The following JADE2 variants were observed in gnomAD, a reference collection of about 807,000 sequenced individuals.
JADE2 encodes E3 ubiquitin-protein ligase Jade-2.
In JADE2, 13 loss-of-function variants were observed where a neutral mutation model predicts 85.7. The observed-to-expected ratio is 0.15, with a 90% confidence interval of 0.10 to 0.24. The LOEUF (loss-of-function observed/expected upper bound fraction) is 0.24, where lower values mean the gene tolerates loss of function less well. JADE2 is among the 10% of genes least tolerant of loss of function. The pLI is 1.00. For missense variants in JADE2, 846 were observed against 1,115.9 expected (o/e 0.76, Z 3.45); for synonymous variants, 440 against 456.1 (o/e 0.96, Z 0.45).
At position 134,566,075 on chromosome 5, in the gene JADE2, G is replaced by C; in HGVS notation, c.970-41G>C. 6.5e-7 allele frequency: 1 copy of C among 1,547,660 alleles called. No individual in the cohort carries two copies. The highest frequency in any genetic ancestry group is 1.2e-5 in the South Asian group (1 of 84,664). On this transcript the variant is annotated intron_variant, in intron 8 of 11. Transcript: ENST00000681547. The surrounding 1 kb of genome is among the most constrained non-coding windows in gnomAD (Gnocchi z 6.7). ...CCCTCTGTCTTCTCCCCTCCCACCA[G>C]GCTCCCTCCATGTCTGATCCTGCCC...
intron 3 of JADE2, among the ~76,000 whole-genome samples, chr5:134,545,568 G>C (rs146945230): frequency 6.6e-6 from 1 of 151,966 alleles, no homozygotes; most frequent in African/African-American, 2.4e-5. Context: ...ATCAGGTTCC[G>C]GCCCAGAAAA....
intron 1 of JADE2, among the ~76,000 whole-genome samples, chr5:134,531,319 G>T (rs1439577623): frequency 6.6e-6 from 1 of 152,216 alleles, no homozygotes; most frequent in East Asian, 1.9e-4. Flanking sequence ...CCAGGTGGCA[G>T]GGGCCAGATT....
chr5:134,534,367 C>T (rs1761451157), intron 1 of JADE2, among the ~76,000 whole-genome samples: 1 of 152,090 alleles, frequency 6.6e-6, no homozygotes, highest in Admixed American at 6.5e-5. Context: ...CTTGCACCAC[C>T]AGTGTCCCTT....
intron 3 of JADE2, among the ~76,000 whole-genome samples, chr5:134,542,435 CTTTTTTT>C (rs10568722): frequency 2.1e-5 from 2 of 93,458 alleles, no homozygotes. Context: ...GTACCTATAC[CTTTTTTT>C]TTTTTTTTTT....
chr5:134,529,875 C>G (rs1165795287), intron 1 of JADE2, among the ~76,000 whole-genome samples: 3 of 152,220 alleles, frequency 2.0e-5, no homozygotes, highest in Non-Finnish European at 4.4e-5. Flanking sequence ...TCCCACCATC[C>G]CCTTGGTACG....
At chr5:134,531,712 A>C (rs1292565886) in intron 1 of JADE2, among the ~76,000 whole-genome samples, 1 of 151,746 alleles carries the variant, frequency 6.6e-6, no homozygotes, top group Non-Finnish European at 1.5e-5. Context: ...CCTCCAGAGT[A>C]GCTGAGATTA....
At chr5:134,539,592 G>A (rs900227600) in intron 3 of JADE2, among the ~76,000 whole-genome samples, 1 of 152,242 alleles carries the variant, frequency 6.6e-6, no homozygotes, top group African/African-American at 2.4e-5. Flanking sequence ...AACTAGCCCA[G>A]AATTTCTCAG....
At chr5:134,564,446 G>T (rs369875016) in intron 7 of JADE2, 48 bp from the exon 8 acceptor site, 3 of 1,308,620 alleles carry the variant, frequency 2.3e-6, no homozygotes, top group Non-Finnish European at 3.1e-6. Flanking sequence ...ATCCCTGGAG[G>T]CAGGCTGGGG....
intron 4 of JADE2, among the ~76,000 whole-genome samples, chr5:134,552,987 C>CTTTTTTTT (rs34182692): frequency 1.6e-5 from 1 of 62,394 alleles, no homozygotes; most frequent in Non-Finnish European, 2.7e-5. Context: ...TGGGCCTGGC[C>CTTTTTTTT]TTTTTTTTTT....
chr5:134,533,004 A>G (rs1347534964), intron 1 of JADE2, among the ~76,000 whole-genome samples: 1 of 152,244 alleles, frequency 6.6e-6, no homozygotes, highest in Non-Finnish European at 1.5e-5. Context: ...GCCCTGACCC[A>G]GAATAATCCC....
At chr5:134,577,139 C>A in intron 11 of JADE2, 1 of 478,860 alleles carries the variant, frequency 2.1e-6, no homozygotes, top group Non-Finnish European at 3.7e-6. Flanking sequence ...CTGGGCCACG[C>A]CCACTCAGGA....
intron 1 of JADE2, among the ~76,000 whole-genome samples, chr5:134,528,087 G>A (rs573692936): frequency 2.0e-5 from 3 of 152,152 alleles, no homozygotes; most frequent in Non-Finnish European, 4.4e-5. Flanking sequence ...TTTGTTGGAA[G>A]GAGGACCCCT....
In JADE2 at chr5:134,581,786, GC is replaced by G. The variant is rs1181530609; in HGVS notation, c.*2472del. ...AGGGGGGTGGCCTTTCATTTGGGGT[GC>G]CCTTTCACTCCCAGGCCAAGCCCTG... is the stretch of plus-strand genomic sequence containing the variant. On this transcript the variant is annotated 3_prime_UTR_variant, in exon 12 of 12. Transcript: ENST00000681547. 3.3e-5 allele frequency: 5 copies of G among 153,172 alleles called. No homozygotes were observed. Among genetic ancestry groups the G allele is most frequent in the Non-Finnish European group, 5.8e-5 (4 of 68,936 alleles). The allele number at this position is 153,172 out of a possible 1,614,324, so 9.5% of individuals were successfully genotyped here.
chr5:134,554,793 T>C (rs926890564), intron 4 of JADE2, among the ~76,000 whole-genome samples: 1 of 152,186 alleles, frequency 6.6e-6, no homozygotes, highest in Non-Finnish European at 1.5e-5. Context: ...CACCTCCCAC[T>C]GCACAGCCCT....
Position 134,535,915 on chromosome 5 carries a change from A to G in JADE2, c.58A>G (p.Ser20Gly). 6.2e-7 allele frequency: 1 copy of G among 1,613,654 alleles called. No individual in the cohort carries two copies. Among genetic ancestry groups the G allele is most frequent in the Non-Finnish European group, 8.5e-7 (1 of 1,179,554 alleles). ...CAGTGACAACTCTGACACCACTGAC[A>G]GTAAGGCCTTCCAGTTTGGGCTCCT... ...ISSDNSDTTD[S>G]HATSTSASRC... The change falls in exon 2 of 12, where the codon AGT becomes GGT. Residue 20 changes from serine to glycine, a missense_variant and splice_region_variant. By Grantham distance (56) the Ser-to-Gly change is moderately conservative (BLOSUM62 0). This residue lies in a region of JADE2 where 47 missense variants were observed against 42.2 expected (regional missense o/e 1.11). Coordinates refer to ENST00000681547, the MANE Select transcript of JADE2 (RefSeq NM_001388185.1).
chr5:134,578,562 A>T lies in JADE2; in HGVS notation c.1750A>T (p.Ile584Phe). Residue 584 changes from isoleucine to phenylalanine, a missense_variant, in exon 12 of 12, where the codon ATC becomes TTC. Transcript: ENST00000681547. The surrounding 1 kb of genome is among the most constrained non-coding windows in gnomAD (Gnocchi z 4.4). ...CAGCTGGCTGGCACAGTCGGTGCAGATCACAGCAGAGAACATGGCCATGAG... is the reference window on the plus strand; with the variant it reads ...CAGCTGGCTGGCACAGTCGGTGCAGTTCACAGCAGAGAACATGGCCATGAG... ...FNSWLAQSVQ[I>F]TAENMAMSEW... The T allele has an allele frequency of 6.2e-7, 1 of 1,613,252 alleles. No homozygotes were observed. Among genetic ancestry groups the T allele is most frequent in the Non-Finnish European group, 8.5e-7 (1 of 1,179,340 alleles).
At chr5:134,530,298 C>T (rs1354637798) in intron 1 of JADE2, among the ~76,000 whole-genome samples, 2 of 152,248 alleles carry the variant, frequency 1.3e-5, no homozygotes, top group East Asian at 1.9e-4. Flanking sequence ...CACGCCTTAG[C>T]GGTCTGCCTC....
At chr5:134,554,095 A>G (rs778576356) in intron 4 of JADE2, among the ~76,000 whole-genome samples, 39 of 152,192 alleles carry the variant, frequency 2.6e-4, no homozygotes, top group Middle Eastern at 3.4e-3. Context: ...GCCTGGGGCA[A>G]AGATCACAGC....
At chr5:134,528,324 C>A (rs1458671873) in intron 1 of JADE2, among the ~76,000 whole-genome samples, 1 of 152,170 alleles carries the variant, frequency 6.6e-6, no homozygotes, top group Non-Finnish European at 1.5e-5. Context: ...GGCTTCTCCC[C>A]TACCCTGACT....
Sources: allele counts gnomAD v4.1 joint callset (sites outside exome capture counted in the v4.1 genomes callset), GRCh38; gene constraint gnomAD v4.1.1; regional missense constraint gnomAD v4.1.1; non-coding constraint Gnocchi (gnomAD v3.1); transcripts MANE v1.5; gene names NCBI Gene and HGNC (gene_info 2026-07-23, HGNC 2026-07-21).